The following ZEB1 variants were observed in gnomAD, a reference collection of about 807,000 sequenced individuals.
The protein encoded by ZEB1 is zinc finger E-box binding homeobox 1.
In ZEB1, 21 loss-of-function variants were observed where a neutral mutation model predicts 84.9. That is an observed-to-expected ratio of 0.25 (90% CI 0.18 to 0.36). ZEB1 has a LOEUF of 0.36. ZEB1 is among the 10% of genes least tolerant of loss of function. The pLI, the probability that ZEB1 is intolerant of heterozygous loss-of-function variation, is 1.00. For missense variants in ZEB1, 1,104 were observed against 1,330.2 expected, an observed-to-expected ratio of 0.83 and a Z score of 2.65; for synonymous variants, 420 against 471.1, an observed-to-expected ratio of 0.89 and a Z score of 1.41.
chr10:31,489,398 AT>A (rs1049105421), intron 2 of ZEB1, among the ~76,000 whole-genome samples: 13 of 150,898 alleles, frequency 8.6e-5, no homozygotes, highest in African/African-American at 2.2e-4. Context: ...ATTAATGGGG[AT>A]TTTTTTTATT....
At chr10:31,391,231 T>TG (rs2049615056) in intron 1 of ZEB1, among the ~76,000 whole-genome samples, 4 of 134,690 alleles carry the variant, frequency 3.0e-5, no homozygotes, top group Non-Finnish European at 6.3e-5. Flanking sequence ...ACAGGTAAGT[T>TG]TGTGTGTGTG....
chr10:31,381,863 T>C (rs2047696914), intron 1 of ZEB1: 1 of 151,986 alleles, frequency 6.6e-6, no homozygotes, highest in African/African-American at 2.4e-5. Context: ...ATAGAGAAAT[T>C]AGCTGGGTGT....
At chr10:31,472,429 C>A (rs1446566171) in intron 2 of ZEB1, among the ~76,000 whole-genome samples, 2 of 152,118 alleles carry the variant, frequency 1.3e-5, no homozygotes, top group Non-Finnish European at 2.9e-5. Flanking sequence ...ACTACAAATA[C>A]CTCTATGCAA....
rs1173388183 is a variant in ZEB1 at position 31,330,839 on chromosome 10, T to C, written c.58+11547T>C. Reference sequence around the variant, plus strand: ...CTTATTTTAAGATAGTTTTTTAACTTTTCTGTTTTATTTTATCACCTATTC... The same window carrying C: ...CTTATTTTAAGATAGTTTTTTAACTCTTCTGTTTTATTTTATCACCTATTC... On this transcript the variant is annotated intron_variant, in intron 1 of 8. Coordinates refer to ENST00000424869, the MANE Select transcript of ZEB1 (RefSeq NM_001174096.2). 4.6e-5 allele frequency among the ~76,000 whole-genome samples: 7 copies of C among 152,066 alleles called. No homozygotes were observed. The East Asian group carries it at 1.3e-3, about 29-fold the overall frequency.
rs376096258 is a variant in ZEB1, at chr10:31,504,750, G to A, written c.484+2241G>A. Among the ~76,000 whole-genome samples the A allele has an allele frequency of 9.9e-5, 15 of 151,666 alleles. No individual in the cohort carries two copies. In the East Asian group the frequency reaches 1.5e-3, roughly 16 times the overall value. ...AGATGGTCTTCTTGATTTATTTCTC[G>A]TCTAGTTCATTATTGGTGTACAGAA... On this transcript the variant is annotated intron_variant, in intron 4 of 8. Coordinates refer to ENST00000424869, the MANE Select transcript of ZEB1 (RefSeq NM_001174096.2).
chr10:31,405,914 A>G (rs538223834), intron 1 of ZEB1, among the ~76,000 whole-genome samples: 349 of 151,228 alleles, frequency 2.3e-3, no homozygotes, highest in South Asian at 0.011. Flanking sequence ...TCATTGTTCA[A>G]CTCCCACTTA....
rs145398072 is a variant in ZEB1, at chr10:31,520,538, G to A, written c.1206G>A (p.Leu402=). The change falls in exon 7 of 9, where the codon TTG becomes TTA. Residue 402 remains leucine (L), a synonymous_variant. Coordinates refer to ENST00000424869, the MANE Select transcript of ZEB1 (RefSeq NM_001174096.2). The surrounding 1 kb of genome is among the most constrained non-coding windows in gnomAD (Gnocchi z 5.1). ...CTGTTGTTCTGCCAACAGTTGGTTT[G>A]GTGTCTCCCATAAGTATCAATTTAA... The part of the protein sequence containing the change: ...VQAVVLPTVG[L]VSPISINLSD... The A allele has an allele frequency of 6.2e-7, 1 of 1,613,710 alleles. No homozygotes were observed. The highest frequency in any genetic ancestry group is 2.2e-5 in the East Asian group (1 of 44,848).
intron 1 of ZEB1, among the ~76,000 whole-genome samples, chr10:31,428,000 T>G (rs1388556826): frequency 2.6e-5 from 4 of 152,208 alleles, no homozygotes. Context: ...TTTCATTAAT[T>G]TTTTTCAAAA....
intron 2 of ZEB1, among the ~76,000 whole-genome samples, chr10:31,494,599 AT>A (rs1048089973): frequency 4.6e-5 from 7 of 152,000 alleles, no homozygotes; most frequent in African/African-American, 1.7e-4. Flanking sequence ...ACATAGTGCA[AT>A]TTGATTAGGG....
At chr10:31,465,736 C>A (rs527623732) in intron 2 of ZEB1, among the ~76,000 whole-genome samples, 1 of 151,754 alleles carries the variant, frequency 6.6e-6, no homozygotes, top group African/African-American at 2.4e-5. Context: ...GCTTTAGTCT[C>A]CTAAGTAGCT....
intron 1 of ZEB1, among the ~76,000 whole-genome samples, chr10:31,423,323 G>A (rs2056470817): frequency 6.6e-6 from 1 of 152,046 alleles, no homozygotes; most frequent in African/African-American, 2.4e-5. Context: ...TGTTTAAAAA[G>A]TATGTCTTAT....
In ZEB1 at chr10:31,526,504, A is replaced by G. The variant is rs374243857; in HGVS notation, c.2786-168A>G. ...AGCACTACGTTTTTTAATGTAAAGA[A>G]CAAACCAAATTGCAATATTATATTA... On this transcript the variant is annotated intron_variant, in intron 8 of 8. Transcript: ENST00000424869. 2.6e-5 allele frequency among the ~76,000 whole-genome samples: 4 copies of G among 152,302 alleles called. No individual in the cohort carries two copies. The East Asian group carries it at 7.7e-4, about 29-fold the overall frequency.
intron 1 of ZEB1, among the ~76,000 whole-genome samples, chr10:31,331,803 A>G (rs528949956): frequency 6.6e-6 from 1 of 152,300 alleles, no homozygotes; most frequent in South Asian, 2.1e-4. Flanking sequence ...CACGTTTGGT[A>G]AAACTGTAGG....
At chr10:31,467,116 A>G (rs899914145) in intron 2 of ZEB1, among the ~76,000 whole-genome samples, 7 of 152,136 alleles carry the variant, frequency 4.6e-5, no homozygotes, top group African/African-American at 1.7e-4. Context: ...TTAGGACCAG[A>G]ATGGACCCAA....
chr10:31,475,959 G>C (rs927312349), intron 2 of ZEB1, among the ~76,000 whole-genome samples: 2 of 151,836 alleles, frequency 1.3e-5, no homozygotes, highest in Non-Finnish European at 2.9e-5. Flanking sequence ...AACATAAAAG[G>C]CCTAAATATT....
At chr10:31,387,941 T>G (rs987596400) in intron 1 of ZEB1, 2 of 188,574 alleles carry the variant, frequency 1.1e-5, no homozygotes. Flanking sequence ...AATATGTTGG[T>G]TCTATCAGGG....
At chr10:31,322,421 T>G (rs553220246) in intron 1 of ZEB1, among the ~76,000 whole-genome samples, 1 of 152,382 alleles carries the variant, frequency 6.6e-6, no homozygotes, top group African/African-American at 2.4e-5. Context: ...ATGTAAATAA[T>G]GTTTTATTCA....
chr10:31,320,430 G>A (rs1007645158), intron 1 of ZEB1: 1 of 151,454 alleles, frequency 6.6e-6, no homozygotes, highest in East Asian at 2.0e-4. Flanking sequence ...GACGCACGGA[G>A]CGCTGAAGCC....
chr10:31,457,650 G>T (rs2061388565), intron 1 of ZEB1, among the ~76,000 whole-genome samples: 2 of 152,068 alleles, frequency 1.3e-5, no homozygotes, highest in African/African-American at 4.8e-5. Flanking sequence ...TTATACAGGG[G>T]ACAGGAAGGA....
Sources: gnomAD v4.1 joint callset for allele counts (sites outside exome capture counted in the v4.1 genomes callset) on GRCh38, gnomAD v4.1.1 for gene constraint, Gnocchi (gnomAD v3.1) non-coding constraint, MANE v1.5 for transcripts, NCBI Gene and HGNC (gene_info 2026-07-23, HGNC 2026-07-21) for gene names.